BBS9: variants seen among roughly 807,000 people sequenced by gnomAD.
BBS9 encodes protein PTHB1.
A neutral mutation model predicts 117.7 loss-of-function variants in BBS9; 89 were observed. That is an observed-to-expected ratio of 0.76 (90% CI 0.64 to 0.90). BBS9 has a LOEUF of 0.90. Ranked by LOEUF, BBS9 falls within the 40% of genes least tolerant of loss-of-function variation. BBS9 has a pLI of 0.00. For synonymous variants in BBS9, 379 were observed against 370.9 expected, an observed-to-expected ratio of 1.02 and a Z score of -0.25; for missense variants, 982 against 1,042.2, an observed-to-expected ratio of 0.94 and a Z score of 0.80.
intron 19 of BBS9, among the ~76,000 whole-genome samples, chr7:33,489,922 G>A (rs721851): frequency 0.78 from 118,714 of 152,148 alleles, 47,217 homozygotes; most frequent in African/African-American, 0.94. Flanking sequence ...GTTGGATATT[G>A]ATACCAAGAA....
intron 21 of BBS9, among the ~76,000 whole-genome samples, chr7:33,557,508 C>T (rs1855470906): frequency 6.8e-6 from 1 of 148,030 alleles, no homozygotes; most frequent in African/African-American, 2.5e-5. Context: ...AACTGACAGA[C>T]TTATTCTCTA....
At chr7:33,568,475 T>G (rs1221327951) in intron 21 of BBS9, among the ~76,000 whole-genome samples, 1 of 152,216 alleles carries the variant, frequency 6.6e-6, no homozygotes, top group Non-Finnish European at 1.5e-5. Context: ...CACATTTCCC[T>G]TCTAGACTGT....
Position 33,388,024 on chromosome 7 carries a change from C to G in BBS9, c.1995C>G (p.Leu665=). 6.2e-7 allele frequency: 1 copy of G among 1,614,052 alleles called. No individual in the cohort carries two copies. Among genetic ancestry groups the G allele is most frequent in the Non-Finnish European group, 8.5e-7 (1 of 1,179,978 alleles). ...TAAATGGTGAAAAATTAGAAGAACT[C>G]TTATCTGAGAGAGCTGTACAATTTC... is the stretch of plus-strand genomic sequence containing the variant. The part of the protein sequence containing the change: ...LRINGEKLEE[L]LSERAVQFRA... The change falls in exon 19 of 23, where the codon CTC becomes CTG. Residue 665 remains leucine, a synonymous_variant. Coordinates refer to ENST00000242067, the MANE Select transcript of BBS9 (RefSeq NM_198428.3).
chr7:33,294,299 ATCTATCTATCTATCTATC>A (rs1562950505), intron 9 of BBS9, among the ~76,000 whole-genome samples: 1 of 24,626 alleles, frequency 4.1e-5, no homozygotes, highest in Admixed American at 3.8e-4. Context: ...TCATCTATCT[ATCTATCTATCTATCTATC>A]TATCTATCTA....
intron 9 of BBS9, among the ~76,000 whole-genome samples, chr7:33,306,614 G>A (rs1263130962): frequency 2.6e-5 from 4 of 152,074 alleles, no homozygotes; most frequent in African/African-American, 7.2e-5. Flanking sequence ...ATTGTATGAT[G>A]GAAAGTATCT....
chr7:33,376,040 A>G (rs535035727), intron 17 of BBS9, among the ~76,000 whole-genome samples: 1 of 152,298 alleles, frequency 6.6e-6, no homozygotes, highest in African/African-American at 2.4e-5. Flanking sequence ...CATTAAAAAA[A>G]CTTTTAGGTT....
chr7:33,252,596 A>G (rs1016258430), intron 5 of BBS9, among the ~76,000 whole-genome samples: 4 of 152,006 alleles, frequency 2.6e-5, no homozygotes, highest in Non-Finnish European at 5.9e-5. Flanking sequence ...TTTGAAGACC[A>G]CTTCTTTGAG....
chr7:33,588,038 C>G (rs573071245), intron 21 of BBS9, among the ~76,000 whole-genome samples: 16 of 152,174 alleles, frequency 1.1e-4, no homozygotes, highest in African/African-American at 3.4e-4. Flanking sequence ...TTTGCAGTTT[C>G]TTCATCCATA....
chr7:33,515,369 T>G lies in BBS9; in HGVS notation c.2298+9724T>G, dbSNP rs889866531. Among the ~76,000 whole-genome samples, 2 of 128,138 alleles carry G rather than the reference T, an allele frequency of 1.6e-5. 1 individual carries two copies. The highest frequency in any genetic ancestry group is 1.0e-4 in the African/African-American group (2 of 19,144). The allele number at this position is 128,138 out of a possible 152,430, so 84.1% of individuals were successfully genotyped here. On this transcript the variant is annotated intron_variant, in intron 20 of 22. Coordinates refer to ENST00000242067, the MANE Select transcript of BBS9 (RefSeq NM_198428.3). Reference sequence around the variant, plus strand: ...CATTAAACTACAGCTCATCGCTGTGTTTTTCCATGTAGCATTGTCCCTCCC... The same window carrying G: ...CATTAAACTACAGCTCATCGCTGTGGTTTTCCATGTAGCATTGTCCCTCCC...
chr7:33,152,723 T>A lies in BBS9; in HGVS notation c.135T>A (p.Phe45Leu). 2 of 1,613,668 alleles carry A rather than the reference T, an allele frequency of 1.2e-6. No individual in the cohort carries two copies. Among genetic ancestry groups the A allele is most frequent in the East Asian group, 4.5e-5 (2 of 44,846 alleles). Residue 45 changes from phenylalanine (F) to leucine (L), a missense_variant, in exon 3 of 23, where the codon TTT (phenylalanine) becomes TTA (leucine). Transcript: ENST00000242067. The part of the protein sequence containing the change: ...NGQDKIIVGS[F>L]MGYLRIFSPH... Reference sequence around the variant, plus strand: ...CAGATAAAATAATTGTGGGTAGCTTTATGGGATACCTAAGGATCTTTAGCC... The same window carrying A: ...CAGATAAAATAATTGTGGGTAGCTTAATGGGATACCTAAGGATCTTTAGCC...
At chr7:33,537,704 C>G (rs920502134) in intron 21 of BBS9, among the ~76,000 whole-genome samples, 1 of 152,186 alleles carries the variant, frequency 6.6e-6, no homozygotes, top group Non-Finnish European at 1.5e-5. Flanking sequence ...AACCTTCTCC[C>G]TGCAGCTGCC....
At chr7:33,580,282 G>T (rs1859662693) in intron 21 of BBS9, among the ~76,000 whole-genome samples, 1 of 151,312 alleles carries the variant, frequency 6.6e-6, no homozygotes, top group Admixed American at 6.6e-5. Flanking sequence ...GGGTAACATG[G>T]TTGGTTGATG....
chr7:33,614,595 CAGCAGAAACCCATG>C (rs1024587794), intron 21 of BBS9, among the ~76,000 whole-genome samples: 5 of 151,986 alleles, frequency 3.3e-5, no homozygotes, highest in Non-Finnish European at 5.9e-5. Context: ...CAAGTTTTTG[CAGCAGAAACCCATG>C]AGCAGAAACC....
chr7:33,573,825 G>A (rs1858245961), intron 21 of BBS9, among the ~76,000 whole-genome samples: 1 of 152,096 alleles, frequency 6.6e-6, no homozygotes, highest in Non-Finnish European at 1.5e-5. Flanking sequence ...GTAGAAGAGA[G>A]TAGGGTATGA....
chr7:33,494,117 G>A lies in BBS9; in HGVS notation c.2116-11346G>A, dbSNP rs1369385329. 2.0e-5 allele frequency among the ~76,000 whole-genome samples: 3 copies of A among 152,094 alleles called. No individual in the cohort carries two copies. In the South Asian group the frequency reaches 6.2e-4, roughly 32 times the overall value. ...AGCACAATCTCACTGACTCTAGACCGATGGATCTCAACCCAGGGTGATTTT... is the reference window on the plus strand; with the variant it reads ...AGCACAATCTCACTGACTCTAGACCAATGGATCTCAACCCAGGGTGATTTT... On this transcript the variant is annotated intron_variant, in intron 19 of 22. Coordinates refer to ENST00000242067, the MANE Select transcript of BBS9 (RefSeq NM_198428.3).
At chr7:33,215,331 A>T (rs1337501698) in intron 5 of BBS9, among the ~76,000 whole-genome samples, 1 of 152,244 alleles carries the variant, frequency 6.6e-6, no homozygotes, top group African/African-American at 2.4e-5. Context: ...AGAAACCCAG[A>T]TATAAATCTG....
At chr7:33,218,523 A>G (rs1789506917) in intron 5 of BBS9, among the ~76,000 whole-genome samples, 1 of 152,250 alleles carries the variant, frequency 6.6e-6, no homozygotes, top group African/African-American at 2.4e-5. Flanking sequence ...TGGCCAAGCC[A>G]GAACTTATTA....
intron 19 of BBS9, among the ~76,000 whole-genome samples, chr7:33,425,551 G>A (rs1833540252): frequency 6.6e-6 from 1 of 152,052 alleles, no homozygotes; most frequent in Admixed American, 6.6e-5. Context: ...CCCTCCCTGT[G>A]TCCATGTGTT....
At chr7:33,595,244 C>T (rs770827398) in intron 21 of BBS9, among the ~76,000 whole-genome samples, 32 of 152,158 alleles carry the variant, frequency 2.1e-4, no homozygotes, top group African/African-American at 5.8e-4. Flanking sequence ...GCTATATCAT[C>T]GGAGTAACAG....
Sources: gnomAD v4.1 joint callset for allele counts (sites outside exome capture counted in the v4.1 genomes callset) on GRCh38, gnomAD v4.1.1 for gene constraint, MANE v1.5 for transcripts, NCBI Gene and HGNC (gene_info 2026-07-23, HGNC 2026-07-21) for gene names.